Variants in RNF217 observed in about 807,000 individuals in gnomAD.
RNF217 encodes the protein E3 ubiquitin-protein ligase RNF217.
RNF217 carries 31 observed loss-of-function variants against 57.8 expected under a neutral mutation model. The observed-to-expected ratio is 0.54, with a 90% CI of 0.40 to 0.72. RNF217 has a LOEUF of 0.72. RNF217 is among the 30% of genes least tolerant of loss of function. The probability of loss-of-function intolerance (pLI) is 0.00; values close to 1 mark genes in which losing one functional copy is unlikely to be tolerated. For synonymous variants in RNF217, 313 were observed against 294.0 expected (o/e 1.06, Z -0.66); for missense variants, 696 against 708.3 (o/e 0.98, Z 0.20).
At chr6:125,013,404 A>G (rs1785490684) in intron 1 of RNF217, among the ~76,000 whole-genome samples, 1 of 148,970 alleles carries the variant, frequency 6.7e-6, no homozygotes. Flanking sequence ...TTTTGAGAGC[A>G]TGGTCGTGGA....
intron 2 of RNF217, among the ~76,000 whole-genome samples, chr6:125,056,604 T>C (rs953667649): frequency 2.0e-5 from 3 of 152,206 alleles, no homozygotes; most frequent in East Asian, 3.9e-4. Flanking sequence ...CTAATTAGTC[T>C]ATATAGTAGA....
At chr6:125,044,398 A>C (rs905070843) in intron 1 of RNF217, among the ~76,000 whole-genome samples, 6 of 152,096 alleles carry the variant, frequency 3.9e-5, no homozygotes, top group Non-Finnish European at 4.4e-5. Context: ...TTGTGTCCAC[A>C]CTTTGTGCTT....
chr6:125,011,188 A>G (rs908342544), intron 1 of RNF217, among the ~76,000 whole-genome samples: 2 of 152,216 alleles, frequency 1.3e-5, no homozygotes, highest in East Asian at 1.9e-4. Context: ...GGCTGACTCC[A>G]TAATAATTTT....
chr6:125,091,886 T>C lies in RNF217; in HGVS notation c.*8949T>C, dbSNP rs1788963672. On this transcript the variant is annotated 3_prime_UTR_variant, in exon 6 of 6. Transcript: ENST00000521654. ...CTGTTTATATAATATGTTATTTTGC[T>C]CTTCTTGATCTGTGCCTTTTGTTTT... 6.6e-6 allele frequency: 1 copy of C among 152,204 alleles called. No individual in the cohort carries two copies. Among genetic ancestry groups the C allele is most frequent in the Admixed American group, 6.5e-5 (1 of 15,282 alleles). The allele number at this position is 152,204 out of a possible 1,614,324, so 9.4% of individuals were successfully genotyped here.
chr6:125,060,540 G>A (rs567169223), intron 3 of RNF217, among the ~76,000 whole-genome samples: 1 of 152,192 alleles, frequency 6.6e-6, no homozygotes, highest in South Asian at 2.1e-4. Context: ...CGCCTCCCAG[G>A]CTCAAGCAAT....
chr6:125,070,163 G>A (rs1389541663), intron 3 of RNF217, among the ~76,000 whole-genome samples: 2 of 152,096 alleles, frequency 1.3e-5, no homozygotes, highest in African/African-American at 4.8e-5. Flanking sequence ...CTCCATCCAA[G>A]TTTCTGCAAA....
chr6:125,065,849 T>A (rs1787914377), intron 3 of RNF217, among the ~76,000 whole-genome samples: 1 of 152,124 alleles, frequency 6.6e-6, no homozygotes, highest in African/African-American at 2.4e-5. Context: ...AATCGTAAAG[T>A]TTTGGGGAAC....
At chr6:125,054,513 G>A (rs111414331) in intron 2 of RNF217, among the ~76,000 whole-genome samples, 9 of 152,256 alleles carry the variant, frequency 5.9e-5, no homozygotes, top group African/African-American at 2.2e-4. Flanking sequence ...CTCTGTCTTT[G>A]CCTCCATGAA....
intron 1 of RNF217, among the ~76,000 whole-genome samples, chr6:124,997,004 T>C (rs1026519315): frequency 2.6e-5 from 4 of 152,142 alleles, no homozygotes; most frequent in African/African-American, 9.7e-5. Flanking sequence ...ACAGACTTGT[T>C]TGTAGCACTC....
At chr6:125,013,359 G>A (rs1785485710) in intron 1 of RNF217, among the ~76,000 whole-genome samples, 1 of 150,426 alleles carries the variant, frequency 6.6e-6, no homozygotes, top group African/African-American at 2.5e-5. Flanking sequence ...GTATGTGTGT[G>A]TGTGTGTGTG....
rs577487088 is a variant in RNF217 at position 124,963,293 on chromosome 6, G to A, written c.749G>A (p.Gly250Asp). Reference sequence around the variant, plus strand: ...GCTCCACCCTACTCTGGCCTGGGCGGTGTAGGGGATCCCTATGTGCCCCTC... The same window carrying A: ...GCTCCACCCTACTCTGGCCTGGGCGATGTAGGGGATCCCTATGTGCCCCTC... ...LGAPPYSGLG[G>D]VGDPYVPLMV... Residue 250 changes from glycine (G) to aspartate (D), a missense_variant, in exon 1 of 6, where the codon GGT becomes GAT. Physicochemically the swap from Gly to Asp is moderately conservative, Grantham distance 94. Around this residue, in one of 2 missense-constraint regions of RNF217, gnomAD observed 465 missense variants for 386.8 expected, o/e 1.20. Coordinates refer to ENST00000521654, the MANE Select transcript of RNF217 (RefSeq NM_001286398.3). 3.3e-6 allele frequency: 5 copies of A among 1,535,920 alleles called. No individual in the cohort carries two copies. Among genetic ancestry groups the A allele is most frequent in the Non-Finnish European group, 3.5e-6 (4 of 1,146,816 alleles).
chr6:125,042,866 G>A (rs573291339), intron 1 of RNF217, among the ~76,000 whole-genome samples: 18 of 152,104 alleles, frequency 1.2e-4, no homozygotes, highest in Admixed American at 4.6e-4. Flanking sequence ...GAAGAAGGCT[G>A]GATTCAAACA....
intron 3 of RNF217, among the ~76,000 whole-genome samples, chr6:125,063,168 C>G (rs1451659905): frequency 6.6e-6 from 1 of 152,084 alleles, no homozygotes; most frequent in Non-Finnish European, 1.5e-5. Flanking sequence ...TCATTTTAGA[C>G]TGTTTTATAC....
rs1788707069 is a variant in RNF217 at position 125,084,339 on chromosome 6, A to T, written c.*1402A>T. 1 of 151,924 alleles carries T rather than the reference A, an allele frequency of 6.6e-6. No homozygotes were observed. The highest frequency in any genetic ancestry group is 1.5e-5 in the Non-Finnish European group (1 of 67,884). 9.4% of individuals were successfully genotyped at this position (151,924 alleles called of 1,614,324 possible). On this transcript the variant is annotated 3_prime_UTR_variant, in exon 6 of 6. Transcript: ENST00000521654. ...CTCAACCTACAAAAGCTTTAAAAAT[A>T]AGAAATTGACAAGTAACTAGACTAT... is the stretch of plus-strand genomic sequence containing the variant.
intron 1 of RNF217, chr6:125,009,504 C>T (rs1040139061): frequency 8.7e-6 from 4 of 460,930 alleles, no homozygotes; most frequent in African/African-American, 2.0e-5. Flanking sequence ...GACTATTTAC[C>T]ATGAAGAGCT....
chr6:125,029,667 A>T (rs1164984551), intron 1 of RNF217, among the ~76,000 whole-genome samples: 1 of 152,170 alleles, frequency 6.6e-6, no homozygotes, highest in Non-Finnish European at 1.5e-5. Flanking sequence ...TGTTGGTAAA[A>T]ATGTAGAACG....
At chr6:125,014,266 G>A (rs17052615) in intron 1 of RNF217, among the ~76,000 whole-genome samples, 12,003 of 152,180 alleles carry the variant, frequency 0.079, 1,641 homozygotes, top group African/African-American at 0.28. Context: ...TTTGGAAATA[G>A]TGATAGCAAT....
At chr6:124,978,690 ATCAT>A (rs1032764187) in intron 1 of RNF217, among the ~76,000 whole-genome samples, 2 of 152,044 alleles carry the variant, frequency 1.3e-5, no homozygotes, top group African/African-American at 4.8e-5. Context: ...AGGGTTACAG[ATCAT>A]TCATTCCTGG....
intron 1 of RNF217, among the ~76,000 whole-genome samples, chr6:125,001,535 A>G (rs1247904447): frequency 6.6e-6 from 1 of 152,226 alleles, no homozygotes; most frequent in Non-Finnish European, 1.5e-5. Context: ...GAAATAATTA[A>G]GTAAACTTAT....
Sources: gnomAD v4.1 joint callset for allele counts (sites outside exome capture counted in the v4.1 genomes callset) on GRCh38, gnomAD v4.1.1 for gene constraint, gnomAD v4.1.1 regional missense constraint, MANE v1.5 for transcripts, NCBI Gene and HGNC (gene_info 2026-07-23, HGNC 2026-07-21) for gene names.